Variants in BCCIP observed in about 807,000 individuals in gnomAD.
BCCIP encodes BRCA2 and CDKN1A interacting protein, also known as BRCA2 and CDKN1A-interacting protein.
Under a neutral mutation model 32.8 loss-of-function variants are expected in BCCIP, and 23 were observed. That is an observed-to-expected ratio of 0.70 (90% CI 0.51 to 0.99). The LOEUF (loss-of-function observed/expected upper bound fraction) is 0.99, where lower values mean the gene tolerates loss of function less well. BCCIP is among the 50% of genes least tolerant of loss of function. The pLI, the probability that BCCIP is intolerant of heterozygous loss-of-function variation, is 0.00. For missense variants in BCCIP, 378 were observed against 379.8 expected, an observed-to-expected ratio of 1.00 and a Z score of 0.04; for synonymous variants, 144 against 137.6, an observed-to-expected ratio of 1.05 and a Z score of -0.33.
intron 1 of BCCIP, chr10:125,826,058 T>G (rs796217380): frequency 3.9e-5 from 6 of 153,128 alleles, no homozygotes; most frequent in African/African-American, 1.4e-4. Flanking sequence ...ATTTTTTAAG[T>G]TGTTACAACA....
chr10:125,843,922 T>TA (rs1402789818), downstream of BCCIP, among the ~76,000 whole-genome samples: 1 of 152,212 alleles, frequency 6.6e-6, no homozygotes, highest in East Asian at 1.9e-4. Flanking sequence ...CTTTCATCCT[T>TA]ACCTTGGGGC....
At chr10:125,841,186 T>TG, downstream of BCCIP, 2 of 1,448,082 alleles carry the variant, frequency 1.4e-6, no homozygotes, top group African/African-American at 1.4e-5. Context: ...TCCCTCTCCT[T>TG]TTGTGTGTGT....
At position 125,841,798 on chromosome 10, in the gene BCCIP, C is replaced by G. The variant is rs574953919; in HGVS notation, c.*439C>G. 26 of 1,613,380 alleles carry G rather than the reference C, an allele frequency of 1.6e-5. 1 individual carries two copies. In the Admixed American group the frequency reaches 1.7e-4, roughly 10 times the overall value. On this transcript the variant is annotated 3_prime_UTR_variant, in exon 7 of 7. Transcript: ENST00000299130. ...CATCTACACAGTCAAATTCACAGGACGCTAAGATAGACTTCGAGAGTTGTG... is the reference window on the plus strand; with the variant it reads ...CATCTACACAGTCAAATTCACAGGAGGCTAAGATAGACTTCGAGAGTTGTG...
chr10:125,830,824 C>G (rs1330808358), intron 4 of BCCIP, among the ~76,000 whole-genome samples, 173 bp downstream of exon 4: 1 of 152,172 alleles, frequency 6.6e-6, no homozygotes, highest in Non-Finnish European at 1.5e-5. Flanking sequence ...GGTGTTGGGT[C>G]TGTACCCAGT....
chr10:125,835,520 G>A (rs896350415), intron 6 of BCCIP, among the ~76,000 whole-genome samples: 16 of 150,796 alleles, frequency 1.1e-4, no homozygotes, highest in South Asian at 2.1e-4. Context: ...CAGAGCTTGC[G>A]GTGAGCCGAG....
downstream of BCCIP, chr10:125,838,883 C>T: frequency 1.7e-6 from 2 of 1,181,428 alleles, no homozygotes; most frequent in East Asian, 4.8e-5. Flanking sequence ...TTAATAATAA[C>T]ATGGATTTTT....
At chr10:125,853,007 T>C in intron 7 of BCCIP, 4 of 740,972 alleles carry the variant, frequency 5.4e-6, no homozygotes, top group Non-Finnish European at 9.0e-6. Flanking sequence ...TTCTTTATAG[T>C]TTTGTTCAAA....
chr10:125,834,037 A>G (rs1854590665), intron 6 of BCCIP, 91 bp downstream of exon 6: 1 of 1,377,514 alleles, frequency 7.3e-7, no homozygotes, highest in African/African-American at 1.4e-5. Context: ...CTTTAGGTCC[A>G]AGTCTTTCAA....
chr10:125,836,151 T>C lies in BCCIP; in HGVS notation c.822T>C (p.Thr274=), dbSNP rs772644943. The C allele has an allele frequency of 1.2e-6, 2 of 1,614,220 alleles. No individual in the cohort carries two copies. Among genetic ancestry groups the C allele is most frequent in the East Asian group, 4.5e-5 (2 of 44,880 alleles). The change falls in exon 7 of 7, where the codon ACT becomes ACC. Residue 274 remains threonine, a synonymous_variant. Coordinates refer to ENST00000278100, the MANE Select transcript of BCCIP (RefSeq NM_078468.3). ...ACTCAGTGCAGGAGGAGAGCGACACTTGTCTGGGAGGCAAATGGTCTTTTG... is the reference window on the plus strand; with the variant it reads ...ACTCAGTGCAGGAGGAGAGCGACACCTGTCTGGGAGGCAAATGGTCTTTTG... The part of the protein sequence containing the change: ...FNYSVQEESD[T]CLGGKWSFDD...
chr10:125,827,576 G>A lies in BCCIP; in HGVS notation c.259G>A (p.Val87Met), dbSNP rs1590050371. ...CTTTTAGCTTTTTCTAAAGGCTCCT[G>A]TGAACACTGCAGAACTAACAGATCT... ...LLQQLFLKAP[V>M]NTAELTDLLI... Residue 87 changes from valine (V) to methionine (M), a missense_variant, in exon 3 of 7, where the codon GTG becomes ATG. By Grantham distance (21) the Val-to-Met change is conservative. Coordinates refer to ENST00000278100, the MANE Select transcript of BCCIP (RefSeq NM_078468.3). The A allele has an allele frequency of 3.7e-6, 6 of 1,611,680 alleles. No individual in the cohort carries two copies. The highest frequency in any genetic ancestry group is 5.1e-6 in the Non-Finnish European group (6 of 1,178,252).
intron 6 of BCCIP, among the ~76,000 whole-genome samples, chr10:125,834,289 A>G: frequency 6.6e-6 from 1 of 152,186 alleles, no homozygotes; most frequent in East Asian, 1.9e-4. Context: ...CCTGGGGTTT[A>G]CAGATGTGGA....
downstream of BCCIP, chr10:125,838,475 AT>A: frequency 8.1e-7 from 1 of 1,240,496 alleles, no homozygotes; most frequent in Non-Finnish European, 1.1e-6. Flanking sequence ...ATACCAAAGT[AT>A]TTTATACGGG....
intron 7 of BCCIP, among the ~76,000 whole-genome samples, chr10:125,847,993 C>T (rs10794027): frequency 0.38 from 58,347 of 152,126 alleles, 11,635 homozygotes; most frequent in Non-Finnish European, 0.45. Flanking sequence ...TGGTACCCAT[C>T]ACTGCCTAGG....
chr10:125,834,328 T>C (rs1217669096), intron 6 of BCCIP, among the ~76,000 whole-genome samples: 1 of 152,150 alleles, frequency 6.6e-6, no homozygotes, highest in African/African-American at 2.4e-5. Context: ...TGAGGGAAAT[T>C]ACCTGCGATC....
chr10:125,846,695 G>A (rs965009891), downstream of BCCIP, among the ~76,000 whole-genome samples: 5 of 152,192 alleles, frequency 3.3e-5, no homozygotes, highest in African/African-American at 1.2e-4. Context: ...CATACTTATA[G>A]GACAGGATTT....
intron 3 of BCCIP, among the ~76,000 whole-genome samples, chr10:125,829,175 A>G (rs1262141049): frequency 1.3e-5 from 2 of 152,356 alleles, no homozygotes; most frequent in East Asian, 3.9e-4. Flanking sequence ...TGAAAGATAC[A>G]GTCTGCCACA....
At chr10:125,843,538 G>C (rs1016185502), downstream of BCCIP, among the ~76,000 whole-genome samples, 4 of 152,110 alleles carry the variant, frequency 2.6e-5, no homozygotes, top group Non-Finnish European at 4.4e-5. Flanking sequence ...CGTGAACCCA[G>C]GAAGTGGAGC....
At chr10:125,837,523 GCTCAAGCGATC>G (rs1854732360), downstream of BCCIP, among the ~76,000 whole-genome samples, 1 of 152,160 alleles carries the variant, frequency 6.6e-6, no homozygotes, top group Admixed American at 6.5e-5. Flanking sequence ...GACCTCCTGG[GCTCAAGCGATC>G]CTCTGTCGCA....
At chr10:125,852,194 G>T (rs1270403808) in intron 7 of BCCIP, 2 of 1,425,936 alleles carry the variant, frequency 1.4e-6, no homozygotes, top group East Asian at 2.4e-5. Context: ...CTCCATGCTT[G>T]TGTGCATTGC....
Sources: gnomAD v4.1 joint callset for allele counts (sites outside exome capture counted in the v4.1 genomes callset) on GRCh38, gnomAD v4.1.1 for gene constraint, MANE v1.5 for transcripts, NCBI Gene and HGNC (gene_info 2026-07-23, HGNC 2026-07-21) for gene names.